Variants in RAB18 observed in about 807,000 individuals in gnomAD.
RAB18 encodes the protein RAB18, member RAS oncogene family, also known as ras-related protein Rab-18.
RAB18 carries 10 observed loss-of-function variants against 28.5 expected under a neutral mutation model. That is an observed-to-expected ratio of 0.35 (90% CI 0.22 to 0.60). RAB18 has a LOEUF of 0.60. Among genes scored for constraint, RAB18 ranks in the 20% least tolerant of loss-of-function variants. The pLI is 0.78. For synonymous variants in RAB18, 93 were observed against 86.9 expected (o/e 1.07, Z -0.39); for missense variants, 188 against 244.2 (o/e 0.77, Z 1.53).
Position 27,538,982 on chromosome 10 carries a change from G to T in RAB18, c.*931G>T. 2.3e-6 allele frequency: 1 copy of T among 436,800 alleles called. No individual in the cohort carries two copies. Among genetic ancestry groups the T allele is most frequent in the South Asian group, 1.6e-5 (1 of 62,396 alleles). The allele number at this position is 436,800 out of a possible 1,614,324, so 27.1% of individuals were successfully genotyped here. On this transcript the variant is annotated 3_prime_UTR_variant, in exon 7 of 7. Transcript: ENST00000356940. ...AGTTGATATTCAAAAACCTATTTCT[G>T]TGTTTTGAGGGGTGGGGAAAAAAAA...
intron 4 of RAB18, among the ~76,000 whole-genome samples, chr10:27,533,452 T>C (rs1243320698): frequency 6.6e-6 from 1 of 152,090 alleles, no homozygotes; most frequent in Non-Finnish European, 1.5e-5. Flanking sequence ...GAATAGCTGT[T>C]GTTTTGCTTT....
At chr10:27,533,685 A>G (rs770164736) in intron 4 of RAB18, 50 bp from the exon 5 acceptor site, 2 of 1,571,376 alleles carry the variant, frequency 1.3e-6, no homozygotes, top group Non-Finnish European at 1.7e-6. Flanking sequence ...GAAATACGCC[A>G]TTGCTTCTTT....
intron 3 of RAB18, among the ~76,000 whole-genome samples, chr10:27,527,537 C>T (rs141066061): frequency 2.2e-4 from 34 of 151,808 alleles, no homozygotes; most frequent in African/African-American, 7.7e-4. Context: ...TACCCACCCA[C>T]ATACCGATCT....
In RAB18 at chr10:27,541,182, G is replaced by T. The variant is rs578150705; in HGVS notation, c.*3131G>T. The T allele has an allele frequency of 4.4e-6, 2 of 453,624 alleles. No homozygotes were observed. The highest frequency in any genetic ancestry group is 8.8e-6 in the Non-Finnish European group (2 of 226,730). The allele number at this position is 453,624 out of a possible 1,614,324, so 28.1% of individuals were successfully genotyped here. A position where few individuals can be genotyped will look rare whatever the true frequency, so the allele number is the denominator to read the frequency against. On this transcript the variant is annotated 3_prime_UTR_variant, in exon 7 of 7. Coordinates refer to ENST00000356940, the MANE Select transcript of RAB18 (RefSeq NM_021252.5). Reference sequence around the variant, plus strand: ...AGTATAGGGGTAAAAACGTTATTCAGCTTTCAGAAGACATTGTTCTGACTC... The same window carrying T: ...AGTATAGGGGTAAAAACGTTATTCATCTTTCAGAAGACATTGTTCTGACTC...
intron 1 of RAB18, 66 bp downstream of exon 1, chr10:27,504,503 C>T (rs1320318224): frequency 6.6e-7 from 1 of 1,514,882 alleles, no homozygotes; most frequent in Non-Finnish European, 9.0e-7. Context: ...GCTGCTGTCT[C>T]CTGGGCCGCG....
rs1230490324 is a variant in RAB18 at position 27,538,560 on chromosome 10, C to T, written c.*509C>T. The T allele has an allele frequency of 2.2e-5, 10 of 454,392 alleles. No homozygotes were observed. Among genetic ancestry groups the T allele is most frequent in the Non-Finnish European group, 4.4e-5 (10 of 226,788 alleles). The allele number at this position is 454,392 out of a possible 1,614,324, so 28.1% of individuals were successfully genotyped here. Reference sequence around the variant, plus strand: ...TTCTTTTTTAGTACTAAGCAAAATTCTCATCACAGAATGTAGCCCAGGCCA... The same window carrying T: ...TTCTTTTTTAGTACTAAGCAAAATTTTCATCACAGAATGTAGCCCAGGCCA... On this transcript the variant is annotated 3_prime_UTR_variant, in exon 7 of 7. Transcript: ENST00000356940.
intron 6 of RAB18, among the ~76,000 whole-genome samples, chr10:27,535,963 G>C (rs577276113): frequency 5.9e-5 from 9 of 152,048 alleles, no homozygotes; most frequent in African/African-American, 2.2e-4. Context: ...GGTGCCTGTA[G>C]TCCCAGCTAC....
At chr10:27,520,975 G>A (rs1380828154) in intron 2 of RAB18, among the ~76,000 whole-genome samples, 1 of 144,988 alleles carries the variant, frequency 6.9e-6, no homozygotes, top group Non-Finnish European at 1.5e-5. Flanking sequence ...TTTCTTTCAC[G>A]GCATTCCCTA....
At chr10:27,507,126 T>TA (rs1837862398) in intron 1 of RAB18, among the ~76,000 whole-genome samples, 1 of 152,352 alleles carries the variant, frequency 6.6e-6, no homozygotes, top group South Asian at 2.1e-4. Context: ...GATATGATCT[T>TA]AAAGGATTGT....
intron 1 of RAB18, among the ~76,000 whole-genome samples, chr10:27,505,770 G>A (rs528503602): frequency 1.4e-4 from 21 of 152,106 alleles, no homozygotes; most frequent in Non-Finnish European, 2.6e-4. Context: ...ATGTTGGCCA[G>A]GATGGTCTCC....
intron 2 of RAB18, among the ~76,000 whole-genome samples, chr10:27,522,650 CATA>C (rs1433788476): frequency 2.0e-5 from 3 of 152,064 alleles, no homozygotes; most frequent in African/African-American, 7.2e-5. Flanking sequence ...AGGGATTTTT[CATA>C]ATAATATGCT....
At chr10:27,517,826 CCTGGTG>C (rs1419473079) in intron 2 of RAB18, among the ~76,000 whole-genome samples, 2 of 152,232 alleles carry the variant, frequency 1.3e-5, no homozygotes, top group Non-Finnish European at 2.9e-5. Flanking sequence ...CCCAGAGCTA[CCTGGTG>C]CTATCCCTTT....
chr10:27,535,754 G>A (rs1834881265), intron 6 of RAB18, among the ~76,000 whole-genome samples: 1 of 152,168 alleles, frequency 6.6e-6, no homozygotes, highest in Admixed American at 6.5e-5. Context: ...AGGTATAGCT[G>A]ACAGGATTTG....
chr10:27,519,678 CTAAA>C (rs1834507807), intron 2 of RAB18, among the ~76,000 whole-genome samples: 1 of 151,974 alleles, frequency 6.6e-6, no homozygotes, highest in African/African-American at 2.4e-5. Context: ...TTTTAAAGAC[CTAAA>C]TGAATGGAAA....
intron 2 of RAB18, among the ~76,000 whole-genome samples, chr10:27,521,117 T>C (rs60909738): frequency 0.036 from 5,549 of 152,152 alleles, 317 homozygotes; most frequent in African/African-American, 0.12. Flanking sequence ...CCTTCTGTTA[T>C]TAATTTCTAG....
chr10:27,529,023 C>T (rs1286093768), intron 3 of RAB18, among the ~76,000 whole-genome samples: 4 of 152,100 alleles, frequency 2.6e-5, no homozygotes, highest in Non-Finnish European at 5.9e-5. Context: ...TAGCATTCAT[C>T]TTTTTCTTCA....
rs1479617824 is a variant in RAB18 at position 27,540,741 on chromosome 10, A to AT, written c.*2691dup. 4.4e-6 allele frequency: 2 copies of AT among 454,040 alleles called. No individual in the cohort carries two copies. Among genetic ancestry groups the AT allele is most frequent in the Non-Finnish European group, 8.8e-6 (2 of 226,746 alleles). 28.1% of individuals were successfully genotyped at this position (454,040 alleles called of 1,614,324 possible). On this transcript the variant is annotated 3_prime_UTR_variant, in exon 7 of 7. Coordinates refer to ENST00000356940, the MANE Select transcript of RAB18 (RefSeq NM_021252.5). ...TTGCTCAAAACTGAAATCTGGGGTG[A>AT]TGTTTTCATTTCATGTATTTGATTG...
At chr10:27,514,032 T>G (rs1475681275) in intron 2 of RAB18, 1 of 152,214 alleles carries the variant, frequency 6.6e-6, no homozygotes, top group Admixed American at 6.5e-5. Flanking sequence ...TGTTGAGAAG[T>G]AAAATGCTAA....
intron 2 of RAB18, among the ~76,000 whole-genome samples, chr10:27,515,698 T>C (rs141844276): frequency 6.6e-6 from 1 of 152,096 alleles, no homozygotes; most frequent in Non-Finnish European, 1.5e-5. Context: ...CGTACCACTG[T>C]ATTCTAGCCT....
Sources: allele counts gnomAD v4.1 joint callset (sites outside exome capture counted in the v4.1 genomes callset), GRCh38; gene constraint gnomAD v4.1.1; transcripts MANE v1.5; gene names NCBI Gene and HGNC (gene_info 2026-07-23, HGNC 2026-07-21).